The following ZFAND3 variants were observed in gnomAD, a reference collection of about 807,000 sequenced individuals.
ZFAND3 encodes the protein AN1-type zinc finger protein 3.
ZFAND3 carries 10 observed loss-of-function variants against 29.6 expected under a neutral mutation model. That is an observed-to-expected ratio of 0.34 (90% CI 0.21 to 0.57). The LOEUF is 0.57. Ranked by LOEUF, ZFAND3 falls within the 20% of genes least tolerant of loss-of-function variation. The probability of loss-of-function intolerance (pLI) is 0.86; values close to 1 mark genes in which losing one functional copy is unlikely to be tolerated. For synonymous variants in ZFAND3, 128 were observed against 112.6 expected (o/e 1.14, Z -0.87); for missense variants, 230 against 304.5 (o/e 0.76, Z 1.82).
At chr6:38,005,068 G>A (rs545989188) in intron 2 of ZFAND3, among the ~76,000 whole-genome samples, 1 of 152,356 alleles carries the variant, frequency 6.6e-6, no homozygotes, top group East Asian at 1.9e-4. Flanking sequence ...CTTCTTCAGT[G>A]AGATAATCAG....
intron 1 of ZFAND3, among the ~76,000 whole-genome samples, chr6:37,853,484 A>G (rs192306378): frequency 1.2e-4 from 18 of 151,828 alleles, no homozygotes; most frequent in South Asian, 2.1e-4. Context: ...GGATTTCAGA[A>G]TCTGGACCAG....
intron 2 of ZFAND3, among the ~76,000 whole-genome samples, chr6:38,028,278 T>C (rs1763486177): frequency 6.6e-6 from 1 of 152,212 alleles, no homozygotes; most frequent in Admixed American, 6.5e-5. Flanking sequence ...AGAAAACAAG[T>C]CTCTAGCTTG....
At chr6:37,890,519 G>C (rs753566510) in intron 1 of ZFAND3, among the ~76,000 whole-genome samples, 5 of 152,150 alleles carry the variant, frequency 3.3e-5, no homozygotes, top group African/African-American at 4.8e-5. Context: ...CATGTGATCT[G>C]TATTGTTCTA....
At chr6:37,848,007 C>T (rs914430827) in intron 1 of ZFAND3, among the ~76,000 whole-genome samples, 2 of 152,224 alleles carry the variant, frequency 1.3e-5, no homozygotes, top group African/African-American at 4.8e-5. Context: ...TTTTTCTGCC[C>T]TAGGGCATTA....
intron 1 of ZFAND3, among the ~76,000 whole-genome samples, chr6:37,862,970 T>C (rs575066558): frequency 1.3e-5 from 2 of 152,132 alleles, no homozygotes; most frequent in African/African-American, 4.8e-5. Context: ...TCTTATTTAA[T>C]CACCCAGCCT....
intron 1 of ZFAND3, among the ~76,000 whole-genome samples, chr6:37,921,726 T>G (rs1396365504): frequency 6.6e-6 from 1 of 152,108 alleles, no homozygotes; most frequent in Non-Finnish European, 1.5e-5. Flanking sequence ...CATAATCATT[T>G]CTGCCATCAA....
chr6:38,065,480 A>G (rs72852546), intron 3 of ZFAND3, among the ~76,000 whole-genome samples: 1,730 of 152,282 alleles, frequency 0.011, 14 homozygotes, highest in Middle Eastern at 0.031. Context: ...TTTAGATAAT[A>G]ATAATGTTAG....
intron 2 of ZFAND3, among the ~76,000 whole-genome samples, chr6:37,957,178 CCT>C (rs1491243313): frequency 6.6e-6 from 1 of 152,208 alleles, no homozygotes; most frequent in African/African-American, 2.4e-5. Context: ...AAGTTCCCCC[CCT>C]TTCTTCCTCT....
chr6:37,959,143 T>C (rs1282901107), intron 2 of ZFAND3, among the ~76,000 whole-genome samples: 2 of 152,254 alleles, frequency 1.3e-5, no homozygotes, highest in Non-Finnish European at 2.9e-5. Context: ...CTGAATTTGC[T>C]TAAATGCAAG....
intron 1 of ZFAND3, among the ~76,000 whole-genome samples, chr6:37,836,145 T>G (rs1352227733): frequency 6.6e-6 from 1 of 152,190 alleles, no homozygotes; most frequent in Non-Finnish European, 1.5e-5. Context: ...GATCAGTGAT[T>G]CTCTGTGGGA....
At chr6:38,144,965 C>G (rs1273183810) in intron 5 of ZFAND3, among the ~76,000 whole-genome samples, 1 of 152,216 alleles carries the variant, frequency 6.6e-6, no homozygotes, top group Non-Finnish European at 1.5e-5. Context: ...CTTTCAGCAT[C>G]ACCTTCTTTG....
At chr6:38,144,184 A>AATATATATAT (rs1554183921) in intron 5 of ZFAND3, among the ~76,000 whole-genome samples, 433 of 42,432 alleles carry the variant, frequency 0.01, 5 homozygotes, top group African/African-American at 0.032. Flanking sequence ...ATATATATAT[A>AATATATATAT]ATATATATAT....
chr6:37,854,010 G>T (rs975824615), intron 1 of ZFAND3, among the ~76,000 whole-genome samples: 27 of 152,128 alleles, frequency 1.8e-4, no homozygotes, highest in African/African-American at 5.8e-4. Flanking sequence ...GGAGTGCAAT[G>T]GTGCTATCTT....
chr6:38,150,012 C>T (rs550103358), intron 5 of ZFAND3, among the ~76,000 whole-genome samples: 2 of 152,258 alleles, frequency 1.3e-5, no homozygotes, highest in East Asian at 3.9e-4. Flanking sequence ...TGCTGGTGCC[C>T]CTACCCTAAG....
At chr6:37,904,966 T>G (rs991727330) in intron 1 of ZFAND3, among the ~76,000 whole-genome samples, 13 of 152,204 alleles carry the variant, frequency 8.5e-5, no homozygotes, top group Admixed American at 7.9e-4. Flanking sequence ...TTTATGTGTA[T>G]GAGCAGTTGG....
chr6:38,103,917 C>T (rs1468128348), intron 4 of ZFAND3, among the ~76,000 whole-genome samples: 2 of 152,100 alleles, frequency 1.3e-5, no homozygotes, highest in Non-Finnish European at 2.9e-5. Flanking sequence ...TGTTGAACTC[C>T]AAAATGCCCA....
rs1764683909 is a variant in ZFAND3 at position 38,082,545 on chromosome 6, G to T, written c.361+88G>T. Reference sequence around the variant, plus strand: ...GGTTCTAACTTGGTGTGCTTCTCAGGGTACTCTGATTTCTTCCGTCAGTTG... The same window carrying T: ...GGTTCTAACTTGGTGTGCTTCTCAGTGTACTCTGATTTCTTCCGTCAGTTG... On this transcript the variant is annotated intron_variant, in intron 4 of 5. Transcript: ENST00000287218. 7 of 1,265,490 alleles carry T rather than the reference G, an allele frequency of 5.5e-6. No homozygotes were observed. In the African/African-American group the frequency reaches 8.9e-5, roughly 16 times the overall value. The allele number at this position is 1,265,490 out of a possible 1,614,324, so 78.4% of individuals were successfully genotyped here. A position where few individuals can be genotyped will look rare whatever the true frequency, so the allele number is the denominator to read the frequency against.
chr6:37,980,602 C>A (rs1762562998), intron 2 of ZFAND3, among the ~76,000 whole-genome samples: 1 of 152,302 alleles, frequency 6.6e-6, no homozygotes, highest in Middle Eastern at 3.4e-3. Context: ...TCTTCCACCT[C>A]CTGCACAATA....
chr6:37,965,112 A>T (rs1036474527), intron 2 of ZFAND3, among the ~76,000 whole-genome samples: 1 of 152,250 alleles, frequency 6.6e-6, no homozygotes, highest in Non-Finnish European at 1.5e-5. Flanking sequence ...CAATAAAAAT[A>T]ACTTGATTTT....
Sources: gnomAD v4.1 joint callset for allele counts (sites outside exome capture counted in the v4.1 genomes callset) on GRCh38, gnomAD v4.1.1 for gene constraint, MANE v1.5 for transcripts, NCBI Gene and HGNC (gene_info 2026-07-23, HGNC 2026-07-21) for gene names.